TANC2: variants seen among roughly 807,000 people sequenced by gnomAD.
TANC2 encodes the protein tetratricopeptide repeat, ankyrin repeat and coiled-coil containing 2.
TANC2 carries 26 observed loss-of-function variants against 210.5 expected under a neutral mutation model. That is an observed-to-expected ratio of 0.12 (90% CI 0.09 to 0.17). TANC2 has a LOEUF of 0.17. Ranked by LOEUF, TANC2 falls within the 10% of genes least tolerant of loss-of-function variation. TANC2 has a pLI of 1.00. For missense variants in TANC2, 2,129 were observed against 2,608.9 expected (o/e 0.82, Z 4.01); for synonymous variants, 931 against 967.1 (o/e 0.96, Z 0.69).
intron 1 of TANC2, among the ~76,000 whole-genome samples, chr17:62,989,363 G>A (rs1263955677): frequency 6.6e-6 from 1 of 152,222 alleles, no homozygotes; most frequent in Non-Finnish European, 1.5e-5. Flanking sequence ...AAGTGTCGCT[G>A]AGTGCAAAAG....
In TANC2 at chr17:63,340,294, G is replaced by A. The variant is rs140111765; in HGVS notation, c.1769G>A (p.Arg590Gln). ...GTTCAAGACCCCATGGCCTCCTTCC[G>A]GAGGGGAGTTCTGGAGCCACTAGAA... is the stretch of plus-strand genomic sequence containing the variant. Residue 590 changes from arginine (R) to glutamine (Q), a missense_variant, in exon 12 of 28, where the codon CGG becomes CAG. Arg to Gln is a conservative substitution (Grantham distance 43, BLOSUM62 1). Transcript: ENST00000689528. 2.2e-5 allele frequency: 36 copies of A among 1,613,884 alleles called. No individual in the cohort carries two copies. In the East Asian group the frequency reaches 4.0e-4, roughly 18 times the overall value.
At chr17:63,392,044 G>A (rs904833132) in intron 17 of TANC2, among the ~76,000 whole-genome samples, 3 of 152,074 alleles carry the variant, frequency 2.0e-5, no homozygotes, top group African/African-American at 4.8e-5. Flanking sequence ...AACTTTTAAT[G>A]TCATTTCCCA....
At chr17:63,190,782 C>T (rs1298276197) in intron 5 of TANC2, among the ~76,000 whole-genome samples, 3 of 152,186 alleles carry the variant, frequency 2.0e-5, no homozygotes, top group African/African-American at 7.2e-5. Flanking sequence ...GAAACTCATT[C>T]TAAAATACAC....
chr17:63,249,989 TG>T (rs1457426964), intron 8 of TANC2, among the ~76,000 whole-genome samples: 10 of 152,156 alleles, frequency 6.6e-5, no homozygotes, highest in African/African-American at 2.4e-4. Context: ...TCTGCCCACT[TG>T]TAGTGTATTT....
chr17:63,131,052 C>T (rs1445019238), intron 4 of TANC2: 3 of 152,134 alleles, frequency 2.0e-5, no homozygotes, highest in Non-Finnish European at 4.4e-5. Flanking sequence ...AGGCAGATCA[C>T]AAGACCAAAA....
At position 63,075,535 on chromosome 17, in the gene TANC2, A is replaced by T. The variant is rs1024649493; in HGVS notation, c.139+1521A>T. On this transcript the variant is annotated intron_variant, in intron 3 of 27. Transcript: ENST00000689528. ...ATCTCTTTATTCAAAAGAAATATAT[A>T]TATTTTTTTATATGGAATCTTGCTT... Among the ~76,000 whole-genome samples the T allele has an allele frequency of 2.6e-4, 38 of 148,606 alleles. No individual in the cohort carries two copies. The East Asian group carries it at 6.4e-3, about 25-fold the overall frequency.
chr17:63,421,054 G>A lies in TANC2; in HGVS notation c.5324G>A (p.Gly1775Glu). 1 of 1,613,980 alleles carries A rather than the reference G, an allele frequency of 6.2e-7. No individual in the cohort carries two copies. Among genetic ancestry groups the A allele is most frequent in the Non-Finnish European group, 8.5e-7 (1 of 1,179,890 alleles). Reference sequence around the variant, plus strand: ...GCAGGCGCCATCTGTCAGCATGGAGGATTGACCAAAGAGGATCTTCCACAG... The same window carrying A: ...GCAGGCGCCATCTGTCAGCATGGAGAATTGACCAAAGAGGATCTTCCACAG... Residue 1775 changes from glycine (G) to glutamate (E), a missense_variant, in exon 28 of 28, where the codon GGA becomes GAA. Around this residue, in one of 5 missense-constraint regions of TANC2, gnomAD observed 584 missense variants for 627.3 expected, o/e 0.93. Coordinates refer to ENST00000689528, the Ensembl canonical transcript of TANC2. The surrounding 1 kb of genome is among the most constrained non-coding windows in gnomAD (Gnocchi z 6.9).
intron 2 of TANC2, among the ~76,000 whole-genome samples, chr17:63,063,658 A>G (rs898153865): frequency 7.4e-6 from 1 of 136,036 alleles, no homozygotes; most frequent in Non-Finnish European, 1.6e-5. Flanking sequence ...ACAATATCAC[A>G]CTTTGTTACC....
At chr17:63,394,605 T>G (rs1599023084) in intron 17 of TANC2, among the ~76,000 whole-genome samples, 1 of 152,248 alleles carries the variant, frequency 6.6e-6, no homozygotes, top group African/African-American at 2.4e-5. Context: ...CTTTTCCGCC[T>G]TAGAGTTTAA....
In TANC2 at chr17:63,354,287, G is replaced by A. The variant is rs144893410; in HGVS notation, c.1975-496G>A. 1.6e-4 allele frequency among the ~76,000 whole-genome samples: 25 copies of A among 152,242 alleles called. 1 individual carries two copies. The East Asian group carries it at 4.4e-3, about 27-fold the overall frequency. Reference sequence around the variant, plus strand: ...CTTTCGGCTAAGGTATCTCCAGAAGGCCCGCATTTAAATGTAGTCATTTTA... The same window carrying A: ...CTTTCGGCTAAGGTATCTCCAGAAGACCCGCATTTAAATGTAGTCATTTTA... On this transcript the variant is annotated intron_variant, in intron 13 of 27. Coordinates refer to ENST00000689528, the Ensembl canonical transcript of TANC2.
intron 18 of TANC2, among the ~76,000 whole-genome samples, chr17:63,397,535 C>G (rs1259665151): frequency 2.0e-5 from 3 of 152,154 alleles, no homozygotes; most frequent in Admixed American, 6.5e-5. Flanking sequence ...ATTCATTGAA[C>G]TGAATCCTCT....
intron 4 of TANC2, among the ~76,000 whole-genome samples, chr17:63,110,080 A>G (rs1420606904): frequency 6.6e-6 from 1 of 151,388 alleles, no homozygotes; most frequent in Non-Finnish European, 1.5e-5. Flanking sequence ...CTTTGAAATT[A>G]CTCTTCCTTG....
chr17:63,115,540 A>G (rs1219056938), intron 4 of TANC2, among the ~76,000 whole-genome samples: 6 of 152,212 alleles, frequency 3.9e-5, no homozygotes, highest in Admixed American at 3.9e-4. Flanking sequence ...CTAAAAAGAA[A>G]TAGCTACTAG....
At position 63,420,036 on chromosome 17, in the gene TANC2, A is replaced by G; in HGVS notation, c.4306A>G (p.Ile1436Val). ...AGCCTTAGAGGACCTGAACGAGGCCATCAAGCTGTGTCCCAACAACCGTGA... is the reference window on the plus strand; with the variant it reads ...AGCCTTAGAGGACCTGAACGAGGCCGTCAAGCTGTGTCCCAACAACCGTGA... The change falls in exon 28 of 28, where the codon ATC becomes GTC. Residue 1436 changes from isoleucine to valine, a missense_variant. Physicochemically the swap from Ile to Val is conservative, Grantham distance 29. Coordinates refer to ENST00000689528, the Ensembl canonical transcript of TANC2. The surrounding 1 kb of genome is among the most constrained non-coding windows in gnomAD (Gnocchi z 4.2). The G allele has an allele frequency of 6.4e-7, 1 of 1,551,630 alleles. No homozygotes were observed.
At chr17:63,198,528 A>G (rs2041422306) in intron 6 of TANC2, among the ~76,000 whole-genome samples, 1 of 152,156 alleles carries the variant, frequency 6.6e-6, no homozygotes, top group African/African-American at 2.4e-5. Context: ...GACTATAGCT[A>G]TATCTAATGT....
intron 5 of TANC2, chr17:63,155,239 A>G (rs754903677): frequency 5.9e-5 from 9 of 152,098 alleles, no homozygotes; most frequent in Non-Finnish European, 5.9e-5. Flanking sequence ...AAAACAACCT[A>G]TCATCTCATA....
intron 11 of TANC2, among the ~76,000 whole-genome samples, chr17:63,338,320 C>A (rs2046105877): frequency 6.6e-6 from 1 of 152,124 alleles, no homozygotes; most frequent in African/African-American, 2.4e-5. Context: ...AACATTCAGC[C>A]AAGAGCACAG....
chr17:62,966,409 G>T lies in TANC2; in HGVS notation c.-364G>T, dbSNP rs2031334716. Among the ~76,000 whole-genome samples the T allele has an allele frequency of 6.8e-6, 1 of 147,664 alleles. No individual in the cohort carries two copies. Among genetic ancestry groups the T allele is most frequent in the Non-Finnish European group, 1.5e-5 (1 of 66,242 alleles). On this transcript the variant is annotated 5_prime_UTR_variant, in exon 1 of 28. Coordinates refer to ENST00000689528, the Ensembl canonical transcript of TANC2. This position sits in a 1 kb window ranked among gnomAD's most constrained non-coding sequence, Gnocchi z 5.1. The stretch of plus-strand genomic sequence containing the variant: ...CCCTCCCGCCGCCACCGCCCTCCGC[G>T]CCTCCTTCGGGCGGCCCCGCCCCCA...
chr17:63,314,373 T>C lies in TANC2; in HGVS notation c.1160-15T>C. Reference sequence around the variant, plus strand: ...ACAGTTTGACCTAAGTTCTGCATTCTCTTGTTCCTTTCAGTTCGCTTTGCA... The same window carrying C: ...ACAGTTTGACCTAAGTTCTGCATTCCCTTGTTCCTTTCAGTTCGCTTTGCA... On this transcript the variant is annotated splice_polypyrimidine_tract_variant and intron_variant, in intron 9 of 27. Coordinates refer to ENST00000689528, the Ensembl canonical transcript of TANC2. 1 of 1,612,262 alleles carries C rather than the reference T, an allele frequency of 6.2e-7. No individual in the cohort carries two copies. Among genetic ancestry groups the C allele is most frequent in the Non-Finnish European group, 8.5e-7 (1 of 1,178,662 alleles).
Sources: gnomAD v4.1 joint callset for allele counts (sites outside exome capture counted in the v4.1 genomes callset) on GRCh38, gnomAD v4.1.1 for gene constraint, gnomAD v4.1.1 regional missense constraint, Gnocchi (gnomAD v3.1) non-coding constraint, MANE v1.5 for transcripts, NCBI Gene and HGNC (gene_info 2026-07-23, HGNC 2026-07-21) for gene names.